Variants in KCNB2 observed in about 807,000 individuals in gnomAD.
KCNB2 encodes the protein potassium voltage-gated channel subfamily B member 2.
In KCNB2, 15 loss-of-function variants were observed where a neutral mutation model predicts 61.5. That is an observed-to-expected ratio of 0.24 (90% CI 0.16 to 0.38). The LOEUF is 0.38. Ranked by LOEUF, KCNB2 falls within the 10% of genes least tolerant of loss-of-function variation. KCNB2 has a pLI of 1.00. For synonymous variants in KCNB2, 457 were observed against 446.0 expected (o/e 1.02, Z -0.31); for missense variants, 828 against 1,125.2 (o/e 0.74, Z 3.78).
rs976123783 is a variant in KCNB2 at position 72,924,211 on chromosome 8, C to G, written c.580-11724C>G. Among the ~76,000 whole-genome samples the G allele has an allele frequency of 7.9e-5, 12 of 152,280 alleles. No individual in the cohort carries two copies. In the South Asian group the frequency reaches 2.1e-3, roughly 26 times the overall value. ...GTGGAATTAGAGACCACGTCAGCAT[C>G]ATCTCCAAGGTTTTTTTCTAGCTAA... On this transcript the variant is annotated intron_variant, in intron 2 of 2. Coordinates refer to ENST00000523207, the MANE Select transcript of KCNB2 (RefSeq NM_004770.3).
chr8:72,599,324 A>C (rs1175284449), intron 2 of KCNB2, among the ~76,000 whole-genome samples: 1 of 152,216 alleles, frequency 6.6e-6, no homozygotes, highest in Non-Finnish European at 1.5e-5. Flanking sequence ...TCTTTGACAA[A>C]CCTGACAAAA....
intron 2 of KCNB2, among the ~76,000 whole-genome samples, chr8:72,760,211 A>C (rs1053191853): frequency 6.6e-6 from 1 of 152,194 alleles, no homozygotes; most frequent in Non-Finnish European, 1.5e-5. Flanking sequence ...TGCTACTTTC[A>C]TGGACTTAAG....
intron 2 of KCNB2, among the ~76,000 whole-genome samples, chr8:72,686,007 G>A (rs935197452): frequency 1.3e-5 from 2 of 152,090 alleles, no homozygotes; most frequent in Admixed American, 6.6e-5. Flanking sequence ...AAAAAAGAAG[G>A]TCCAGATGTC....
intron 2 of KCNB2, among the ~76,000 whole-genome samples, chr8:72,602,057 G>A (rs1206803548): frequency 6.6e-6 from 1 of 152,164 alleles, no homozygotes; most frequent in Non-Finnish European, 1.5e-5. Context: ...GGTTGCAATG[G>A]GGGAGGGCAG....
chr8:72,632,410 C>T (rs1263410654), intron 2 of KCNB2, among the ~76,000 whole-genome samples: 1 of 152,216 alleles, frequency 6.6e-6, no homozygotes, highest in Non-Finnish European at 1.5e-5. Context: ...TTTCACACTA[C>T]ACAGGCAGAG....
chr8:72,568,413 C>A, intron 2 of KCNB2, 100 bp downstream of exon 2: 1 of 971,024 alleles, frequency 1.0e-6, no homozygotes, highest in Non-Finnish European at 1.5e-6. Flanking sequence ...TAACACAGAA[C>A]AAAGTGTGGC....
rs554248568 is a variant in KCNB2 at position 72,830,970 on chromosome 8, T to C, written c.580-104965T>C. On this transcript the variant is annotated intron_variant, in intron 2 of 2. Transcript: ENST00000523207. ...TTTAGCTCAAGTCTTAAGCCACTTA[T>C]GTTTGAATTTTGAGCAATTTCTGTT... Among the ~76,000 whole-genome samples the C allele has an allele frequency of 6.6e-4, 100 of 152,374 alleles. 1 individual carries two copies. The highest frequency in any genetic ancestry group is 3.5e-3 in the South Asian group (17 of 4,834).
chr8:72,606,458 A>G (rs1805453733), intron 2 of KCNB2, among the ~76,000 whole-genome samples: 1 of 152,226 alleles, frequency 6.6e-6, no homozygotes, highest in South Asian at 2.1e-4. Flanking sequence ...TTATCTCTGC[A>G]TGGCAGGATA....
chr8:72,761,955 C>T (rs1406370275), intron 2 of KCNB2, among the ~76,000 whole-genome samples: 1 of 152,074 alleles, frequency 6.6e-6, no homozygotes, highest in East Asian at 1.9e-4. Flanking sequence ...AGAGTCTAGT[C>T]TATAAATAAG....
chr8:72,873,587 C>CG (rs1805652202), intron 2 of KCNB2, among the ~76,000 whole-genome samples: 1 of 152,168 alleles, frequency 6.6e-6, no homozygotes, highest in East Asian at 1.9e-4. Context: ...GGGCCTCTGG[C>CG]GGGGCCAAGC....
At chr8:72,667,052 T>C (rs1156595) in intron 2 of KCNB2, among the ~76,000 whole-genome samples, 2 of 150,110 alleles carry the variant, frequency 1.3e-5, no homozygotes, top group South Asian at 4.2e-4. Context: ...CAGAGAGAGA[T>C]AGAGAGAAAG....
intron 2 of KCNB2, among the ~76,000 whole-genome samples, chr8:72,667,446 T>A (rs1016673440): frequency 6.6e-6 from 1 of 152,194 alleles, no homozygotes; most frequent in Admixed American, 6.6e-5. Flanking sequence ...ATGTCTAAAT[T>A]TGAATTCTTT....
chr8:72,931,550 C>G (rs1433373548), intron 2 of KCNB2, among the ~76,000 whole-genome samples: 1 of 152,122 alleles, frequency 6.6e-6, no homozygotes, highest in East Asian at 1.9e-4. Context: ...ATTTTATTTT[C>G]TTTGAAGCAG....
chr8:72,578,942 G>A (rs1431656), intron 2 of KCNB2, among the ~76,000 whole-genome samples: 92,573 of 152,010 alleles, frequency 0.61, 30,740 homozygotes, highest in Admixed American at 0.73. Context: ...TGGCTGTGGT[G>A]GGGTGGGTGG....
intron 2 of KCNB2, among the ~76,000 whole-genome samples, chr8:72,791,032 C>G (rs898808762): frequency 6.6e-6 from 1 of 152,154 alleles, no homozygotes; most frequent in African/African-American, 2.4e-5. Flanking sequence ...AAAAAACAGT[C>G]AGCAAATGAC....
rs774155175 is a variant in KCNB2 at position 72,937,707 on chromosome 8, GT to G, written c.2353del (p.Ser785ProfsTer23). On this transcript the variant is annotated frameshift_variant, in exon 3 of 3. Transcript: ENST00000523207. LOFTEE classifies it high-confidence loss of function. ...CTTGTCAGGGACCTTCCAAAGGGCT[GT>G]CCCCCAGGTTTCCCAAGCAGAAACT... The part of the protein sequence containing the change: ...APCQGPSKGL[S>X]PRFPKQKLFP... 6.2e-7 allele frequency: 1 copy of G among 1,614,000 alleles called. No individual in the cohort carries two copies. Among genetic ancestry groups the G allele is most frequent in the Non-Finnish European group, 8.5e-7 (1 of 1,180,002 alleles).
At chr8:72,549,415 A>G (rs1806309878) in intron 1 of KCNB2, among the ~76,000 whole-genome samples, 1 of 152,230 alleles carries the variant, frequency 6.6e-6, no homozygotes, top group Non-Finnish European at 1.5e-5. Context: ...GAGCACAGAA[A>G]AGGCACGACC....
intron 1 of KCNB2, among the ~76,000 whole-genome samples, chr8:72,561,761 G>A (rs57718058): frequency 1.5e-3 from 37 of 24,366 alleles, no homozygotes; most frequent in African/African-American, 3.7e-3. Context: ...ATATATATAT[G>A]GATATATATA....
chr8:72,671,532 C>A (rs767259735), intron 2 of KCNB2, among the ~76,000 whole-genome samples: 2 of 152,114 alleles, frequency 1.3e-5, no homozygotes, highest in Non-Finnish European at 2.9e-5. Context: ...AGCCTTACCA[C>A]TGAAATTATG....
Sources: allele counts gnomAD v4.1 joint callset (sites outside exome capture counted in the v4.1 genomes callset), GRCh38; gene constraint gnomAD v4.1.1; transcripts MANE v1.5; gene names NCBI Gene and HGNC (gene_info 2026-07-23, HGNC 2026-07-21).